Variants in ATP7B observed in about 807,000 individuals in gnomAD.
The protein encoded by ATP7B is copper-transporting ATPase 2.
ATP7B carries 113 observed loss-of-function variants against 118.9 expected under a neutral mutation model. That is an observed-to-expected ratio of 0.95 (90% CI 0.82 to 1.11). The LOEUF is 1.11. Ranked by LOEUF, ATP7B falls within the 50% of genes most tolerant of loss-of-function variation. The probability of loss-of-function intolerance (pLI) is 0.00; values close to 1 mark genes in which losing one functional copy is unlikely to be tolerated. For missense variants in ATP7B, 1,867 were observed against 1,871.4 expected (o/e 1.00, Z 0.04); for synonymous variants, 777 against 727.4 (o/e 1.07, Z -1.10).
chr13:52,007,243 T>C (rs187994044), intron 1 of ATP7B, among the ~76,000 whole-genome samples: 6 of 152,326 alleles, frequency 3.9e-5, no homozygotes, highest in African/African-American at 1.2e-4. Context: ...TAAATAATCA[T>C]ACCAGGTGGT....
At position 51,935,709 on chromosome 13, in the gene ATP7B, A is replaced by G; in HGVS notation, c.4022-14T>C. ...GCATGAAGACACCTGGGGAAGAAAG[A>G]ACTCGCACTCACACCTAGGTCTGGG... is the stretch of plus-strand genomic sequence containing the variant. On this transcript the variant is annotated splice_polypyrimidine_tract_variant and intron_variant, in intron 19 of 20. Transcript: ENST00000242839. The G allele has an allele frequency of 6.2e-7, 1 of 1,605,900 alleles. No individual in the cohort carries two copies. The highest frequency in any genetic ancestry group is 8.5e-7 in the Non-Finnish European group (1 of 1,176,190).
chr13:51,946,134 C>A, intron 13 of ATP7B, 150 bp downstream of exon 13: 4 of 1,070,778 alleles, frequency 3.7e-6, no homozygotes, highest in Non-Finnish European at 5.3e-6. Flanking sequence ...TCTGTTGCTA[C>A]TGTTGTTATT....
At chr13:51,938,921 G>T (rs949085349) in intron 17 of ATP7B, 130 bp downstream of exon 17, 10 of 1,430,010 alleles carry the variant, frequency 7.0e-6, no homozygotes, top group Non-Finnish European at 9.8e-6. Context: ...AATGAAACAC[G>T]TGGAGAGAAA....
At chr13:51,963,086 C>A (rs1170610413) in intron 5 of ATP7B, among the ~76,000 whole-genome samples, 2 of 151,118 alleles carry the variant, frequency 1.3e-5, no homozygotes, top group East Asian at 2.0e-4. Flanking sequence ...GAGCAAAACA[C>A]CAACTCAAAA....
At chr13:51,940,313 AAC>A (rs1957256953) in intron 16 of ATP7B, among the ~76,000 whole-genome samples, 1 of 138,890 alleles carries the variant, frequency 7.2e-6, no homozygotes, top group South Asian at 2.6e-4. Context: ...GCACCTGGCC[AAC>A]ACACAGTCTT....
rs753843715 is a variant in ATP7B, at chr13:51,970,640, C to T, written c.1395G>A (p.Arg465=). 4 of 1,614,038 alleles carry T rather than the reference C, an allele frequency of 2.5e-6. No homozygotes were observed. The highest frequency in any genetic ancestry group is 1.3e-5 in the African/African-American group (1 of 74,928). The change falls in exon 3 of 21, where the codon AGG becomes AGA. Residue 465 remains arginine, a synonymous_variant. Coordinates refer to ENST00000242839, the MANE Select transcript of ATP7B (RefSeq NM_000053.4). ...SVQEVAPHTG[R]LPANHAPDIL... ...TGTCCGGGGCATGGTTTGCAGGGAGCCTCCCAGTGTGGGGAGCCACTTCCT... is the reference window on the plus strand; with the variant it reads ...TGTCCGGGGCATGGTTTGCAGGGAGTCTCCCAGTGTGGGGAGCCACTTCCT...
At chr13:51,937,139 GAAAA>G (rs57778802) in intron 19 of ATP7B, 133 bp downstream of exon 19, 166 of 670,042 alleles carry the variant, frequency 2.5e-4, no homozygotes, top group Middle Eastern at 7.4e-4. Context: ...CAGGGGACAT[GAAAA>G]AAAAAAAAAA....
chr13:52,001,760 T>A (rs1346225768), intron 1 of ATP7B, among the ~76,000 whole-genome samples: 1 of 151,998 alleles, frequency 6.6e-6, no homozygotes, highest in Non-Finnish European at 1.5e-5. Context: ...TCTCCCCAGT[T>A]AGGATATAAG....
At position 51,965,026 on chromosome 13, in the gene ATP7B, C is replaced by T; in HGVS notation, c.1715G>A (p.Gly572Glu). The T allele has an allele frequency of 1.9e-6, 3 of 1,614,042 alleles. No homozygotes were observed. Among genetic ancestry groups the T allele is most frequent in the African/African-American group, 1.3e-5 (1 of 74,996 alleles). Residue 572 changes from glycine (G) to glutamate (E), a missense_variant, in exon 5 of 21, where the codon GGG (glycine) becomes GAG (glutamate). Gly to Glu is a moderately conservative substitution (Grantham distance 98). Coordinates refer to ENST00000242839, the MANE Select transcript of ATP7B (RefSeq NM_000053.4). ...SDGNIELTIT[G>E]MTCASCVHNI... ...GTGGACACAGGACGCGCAGGTCATC[C>T]CTGTGATCTGCAACACAGGATGGCA...
At chr13:51,976,343 C>T (rs1397197937) in intron 1 of ATP7B, among the ~76,000 whole-genome samples, 2 of 152,176 alleles carry the variant, frequency 1.3e-5, no homozygotes, top group East Asian at 3.8e-4. Flanking sequence ...AGCTTAACAA[C>T]ACAAATGTTT....
In ATP7B at chr13:51,964,927, A is replaced by C. The variant is rs1382686202; in HGVS notation, c.1814T>G (p.Leu605Arg). ...GATAATTTCCGGGTCAAACTTAACA[A>C]GGGCTTTGCTGGTGGCAAGGGCAAC... ...ASVALATSKALVKFDPEIIGP... is the reference protein window; with the variant it reads ...ASVALATSKARVKFDPEIIGP... Residue 605 changes from leucine (L) to arginine (R), a missense_variant, in exon 5 of 21, where the codon CTT becomes CGT. By Grantham distance (102) the Leu-to-Arg change is moderately radical. Coordinates refer to ENST00000242839, the MANE Select transcript of ATP7B (RefSeq NM_000053.4). 6.2e-7 allele frequency: 1 copy of C among 1,614,062 alleles called. No individual in the cohort carries two copies.
At chr13:51,938,248 C>G (rs144535780) in intron 17 of ATP7B, among the ~76,000 whole-genome samples, 8 of 131,750 alleles carry the variant, frequency 6.1e-5, no homozygotes, top group Admixed American at 3.1e-4. Flanking sequence ...CTTTCCTAGT[C>G]CCTTTCCCGC....
chr13:51,989,287 A>T (rs765841073), intron 1 of ATP7B, among the ~76,000 whole-genome samples: 7 of 152,194 alleles, frequency 4.6e-5, no homozygotes, highest in Non-Finnish European at 1.0e-4. Flanking sequence ...CTTTCCACTG[A>T]CAATTATTTA....
intron 1 of ATP7B, among the ~76,000 whole-genome samples, chr13:51,994,492 T>A (rs571900433): frequency 1.3e-4 from 20 of 152,336 alleles, no homozygotes; most frequent in Non-Finnish European, 2.6e-4. Context: ...ACTTTTAATA[T>A]TTTAAAATAA....
Position 51,949,663 on chromosome 13 carries a change from G to A in ATP7B, c.2864C>T (p.Pro955Leu). 6.2e-7 allele frequency: 1 copy of A among 1,613,758 alleles called. No individual in the cohort carries two copies. The change falls in exon 12 of 21, where the codon CCT (proline) becomes CTT (leucine). Residue 955 changes from proline to leucine, a missense_variant and splice_region_variant. Pro to Leu is a moderately conservative substitution (Grantham distance 98). Coordinates refer to ENST00000242839, the MANE Select transcript of ATP7B (RefSeq NM_000053.4). ...TATAGCCCAAGGCATTCAACTTACA[G>A]GAAAGTATCTCTGAACAACACCAAA... ...IDFGVVQRYF[P>L]NPNKHISQTE...
At chr13:51,943,390 T>C (rs1295385707) in intron 14 of ATP7B, among the ~76,000 whole-genome samples, 1 of 151,978 alleles carries the variant, frequency 6.6e-6, no homozygotes, top group African/African-American at 2.4e-5. Context: ...TGACCCTACA[T>C]GAAGGACAAA....
chr13:51,995,336 G>T, intron 1 of ATP7B: 1 of 985,348 alleles, frequency 1.0e-6, no homozygotes, highest in Non-Finnish European at 1.2e-6. Context: ...CATTTCCCAG[G>T]TTCCATTCAA....
At chr13:51,968,723 T>G in intron 3 of ATP7B, 116 bp from the exon 4 acceptor site, 2 of 1,251,610 alleles carry the variant, frequency 1.6e-6, no homozygotes, top group Non-Finnish European at 2.3e-6. Flanking sequence ...GAACAGCAGT[T>G]TTCAAACACT....
At chr13:51,942,670 G>C in intron 14 of ATP7B, 116 bp from the exon 15 acceptor site, 4 of 1,302,786 alleles carry the variant, frequency 3.1e-6, no homozygotes, top group Non-Finnish European at 4.3e-6. Context: ...AGCGGAAAGC[G>C]GGAACTGAGA....
Sources: allele counts gnomAD v4.1 joint callset (sites outside exome capture counted in the v4.1 genomes callset), GRCh38; gene constraint gnomAD v4.1.1; transcripts MANE v1.5; gene names NCBI Gene and HGNC (gene_info 2026-07-23, HGNC 2026-07-21).